Variants in FOXK1 observed in about 807,000 individuals in gnomAD.
The protein encoded by FOXK1 is forkhead box protein K1.
FOXK1 carries 19 observed loss-of-function variants against 51.9 expected under a neutral mutation model. The ratio of observed to expected loss-of-function variants is 0.37; its 90% CI spans 0.26 to 0.54. The LOEUF is 0.54. Ranked by LOEUF, FOXK1 falls within the 20% of genes least tolerant of loss-of-function variation. The pLI, the probability that FOXK1 is intolerant of heterozygous loss-of-function variation, is 0.87. For missense variants in FOXK1, 870 were observed against 1,032.7 expected (o/e 0.84, Z 2.16); for synonymous variants, 537 against 482.6 (o/e 1.11, Z -1.48).
At position 4,755,335 on chromosome 7, in the gene FOXK1, C is replaced by G; in HGVS notation, c.1002C>G (p.His334Gln). ...TGACCCTGAGCGGGATCTACGCCCA[C>G]ATCACCAAGCATTACCCCTACTACC... ...RQLTLSGIYA[H>Q]ITKHYPYYRT... Residue 334 changes from histidine (H) to glutamine (Q), a missense_variant, in exon 4 of 9, where the codon CAC becomes CAG. Physicochemically the swap from His to Gln is conservative, Grantham distance 24 (BLOSUM62 0). Around this residue, in one of 3 missense-constraint regions of FOXK1, gnomAD observed 399 missense variants for 475.6 expected, o/e 0.84. Coordinates refer to ENST00000328914, the MANE Select transcript of FOXK1 (RefSeq NM_001037165.2). This position sits in a 1 kb window ranked among gnomAD's most constrained non-coding sequence, Gnocchi z 6.6. The G allele has an allele frequency of 6.2e-7, 1 of 1,613,852 alleles. No individual in the cohort carries two copies. Among genetic ancestry groups the G allele is most frequent in the Non-Finnish European group, 8.5e-7 (1 of 1,180,052 alleles).
chr7:4,764,151 GAC>G lies in FOXK1; in HGVS notation c.*1692_*1693del, dbSNP rs1780975605. On this transcript the variant is annotated 3_prime_UTR_variant, in exon 9 of 9. Transcript: ENST00000328914. Reference sequence around the variant, plus strand: ...AAGTGATTCCGAGGCAGTGCGGGAGGACACACGTGCTGTGCAGTGGAGTGGGG... The same window carrying G: ...AAGTGATTCCGAGGCAGTGCGGGAGGACACGTGCTGTGCAGTGGAGTGGGG... 1 of 152,896 alleles carries G rather than the reference GAC, an allele frequency of 6.5e-6. No homozygotes were observed. The highest frequency in any genetic ancestry group is 6.5e-5 in the Admixed American group (1 of 15,296). 9.5% of individuals were successfully genotyped at this position (152,896 alleles called of 1,614,324 possible).
chr7:4,684,703 A>G (rs1378772917), intron 1 of FOXK1, among the ~76,000 whole-genome samples: 2 of 152,140 alleles, frequency 1.3e-5, no homozygotes, highest in Non-Finnish European at 2.9e-5. Flanking sequence ...ACGCACCTTT[A>G]TATAACTCAG....
chr7:4,702,666 C>T (rs1256750719), intron 1 of FOXK1, among the ~76,000 whole-genome samples: 1 of 152,204 alleles, frequency 6.6e-6, no homozygotes, highest in East Asian at 1.9e-4. Flanking sequence ...GTTTAGTTCA[C>T]GCGAGTTTTC....
At chr7:4,751,493 T>C (rs1181659590) in intron 2 of FOXK1, among the ~76,000 whole-genome samples, 1 of 152,192 alleles carries the variant, frequency 6.6e-6, no homozygotes. Context: ...CCCTCAGACC[T>C]GTCTTCCCCC....
In FOXK1 at chr7:4,709,400, G is replaced by A. The variant is rs1343356331; in HGVS notation, c.560+26532G>A. Among the ~76,000 whole-genome samples the A allele has an allele frequency of 6.6e-6, 1 of 152,170 alleles. No homozygotes were observed. The highest frequency in any genetic ancestry group is 6.5e-5 in the Admixed American group (1 of 15,274). On this transcript the variant is annotated intron_variant, in intron 1 of 8. Transcript: ENST00000328914. The surrounding 1 kb of genome is among the most constrained non-coding windows in gnomAD (Gnocchi z 5.6). ...GCTTCCATTCTCAGGGTCTGGACAG[G>A]GCCAGGCTCTTCCCAAGCGCACAGT... is the stretch of plus-strand genomic sequence containing the variant.
At chr7:4,751,055 C>T (rs1270089032) in intron 2 of FOXK1, among the ~76,000 whole-genome samples, 4 of 140,368 alleles carry the variant, frequency 2.8e-5, no homozygotes, top group Admixed American at 7.2e-5. Flanking sequence ...TGCTCTGTCG[C>T]CCAGGCTGGA....
intron 1 of FOXK1, among the ~76,000 whole-genome samples, chr7:4,700,803 C>G (rs1780011564): frequency 6.6e-6 from 1 of 152,272 alleles, no homozygotes. Flanking sequence ...GGCAACAGAG[C>G]AAGACCCTGT....
chr7:4,739,023 C>T lies in FOXK1; in HGVS notation c.561-1815C>T, dbSNP rs1003041313. On this transcript the variant is annotated intron_variant, in intron 1 of 8. Transcript: ENST00000328914. Reference sequence around the variant, plus strand: ...CACCCTCTGACCTGCTCCTCAGTCCCGTCTTTCAAAAACGCTTTGACGAAG... The same window carrying T: ...CACCCTCTGACCTGCTCCTCAGTCCTGTCTTTCAAAAACGCTTTGACGAAG... Among the ~76,000 whole-genome samples, 5 of 152,178 alleles carry T rather than the reference C, an allele frequency of 3.3e-5. No homozygotes were observed. The East Asian group carries it at 7.7e-4, about 23-fold the overall frequency.
chr7:4,767,058 G>GC lies in FOXK1; in HGVS notation c.*4595dup, dbSNP rs1419813568. 6.6e-6 allele frequency: 1 copy of GC among 152,176 alleles called. No individual in the cohort carries two copies. Among genetic ancestry groups the GC allele is most frequent in the Non-Finnish European group, 1.5e-5 (1 of 68,056 alleles). 9.4% of individuals were successfully genotyped at this position (152,176 alleles called of 1,614,324 possible). On this transcript the variant is annotated 3_prime_UTR_variant, in exon 9 of 9. Transcript: ENST00000328914. The surrounding 1 kb of genome is among the most constrained non-coding windows in gnomAD (Gnocchi z 6.6). Reference sequence around the variant, plus strand: ...ATTTTCCCCTTCGCTTTCAGAGCCGGCGGGAGTGCAGGTCTGTTTTGCTTC... The same window carrying GC: ...ATTTTCCCCTTCGCTTTCAGAGCCGGCCGGGAGTGCAGGTCTGTTTTGCTTC...
At chr7:4,739,887 A>C (rs987371170) in intron 1 of FOXK1, among the ~76,000 whole-genome samples, 4 of 152,230 alleles carry the variant, frequency 2.6e-5, no homozygotes, top group Non-Finnish European at 5.9e-5. Flanking sequence ...GTGCCACAGC[A>C]GTTGCCCTGG....
chr7:4,759,553 G>A lies in FOXK1; in HGVS notation c.1654G>A (p.Ala552Thr). 2 of 1,542,812 alleles carry A rather than the reference G, an allele frequency of 1.3e-6. No homozygotes were observed. The highest frequency in any genetic ancestry group is 1.7e-6 in the Non-Finnish European group (2 of 1,149,990). ...GGGCGCGGCGGGGGGCTCCCATGATGCGGCGGGCGCAGCCGTGCTGGACCT... is the reference window on the plus strand; with the variant it reads ...GGGCGCGGCGGGGGGCTCCCATGATACGGCGGGCGCAGCCGTGCTGGACCT... ...SQGAAGGSHDAAGAAVLDLGS... is the reference protein window; with the variant it reads ...SQGAAGGSHDTAGAAVLDLGS... Residue 552 changes from alanine to threonine, a missense_variant, in exon 7 of 9, where the codon GCG becomes ACG. Physicochemically the swap from Ala to Thr is moderately conservative, Grantham distance 58. Transcript: ENST00000328914.
chr7:4,700,159 C>G (rs143423778), intron 1 of FOXK1, among the ~76,000 whole-genome samples: 8 of 152,188 alleles, frequency 5.3e-5, no homozygotes, highest in African/African-American at 1.7e-4. Context: ...TGTGGCCTGT[C>G]GTTGTTTGTG....
At chr7:4,737,440 G>A (rs1248853786) in intron 1 of FOXK1, among the ~76,000 whole-genome samples, 2 of 106,006 alleles carry the variant, frequency 1.9e-5, no homozygotes, top group Non-Finnish European at 4.4e-5. Flanking sequence ...GTGTGCATGC[G>A]TGTGTGTGCG....
rs1291722692 is a variant in FOXK1, at chr7:4,768,009, G to A, written c.*5545G>A. 2 of 150,868 alleles carry A rather than the reference G, an allele frequency of 1.3e-5. No individual in the cohort carries two copies. Among genetic ancestry groups the A allele is most frequent in the African/African-American group, 2.4e-5 (1 of 40,974 alleles). 9.3% of individuals were successfully genotyped at this position (150,868 alleles called of 1,614,324 possible). On this transcript the variant is annotated 3_prime_UTR_variant, in exon 9 of 9. Transcript: ENST00000328914. ...CTGCGTCCTTTCCTCTGTCCTCCCTGTCACCCAAACCCCGAAGTCACAGCT... is the reference window on the plus strand; with the variant it reads ...CTGCGTCCTTTCCTCTGTCCTCCCTATCACCCAAACCCCGAAGTCACAGCT...
chr7:4,689,451 C>G (rs758927504), intron 1 of FOXK1, among the ~76,000 whole-genome samples: 1 of 152,164 alleles, frequency 6.6e-6, no homozygotes, highest in Non-Finnish European at 1.5e-5. Context: ...ACTACATAAA[C>G]GTTTTAGCCC....
chr7:4,690,372 T>C (rs535668017), intron 1 of FOXK1, among the ~76,000 whole-genome samples: 1 of 152,386 alleles, frequency 6.6e-6, no homozygotes, highest in Admixed American at 6.5e-5. Flanking sequence ...GGCTTTATTC[T>C]TAGTGTTTTG....
In FOXK1 at chr7:4,734,939, G is replaced by T. The variant is rs1370878719; in HGVS notation, c.561-5899G>T. Reference sequence around the variant, plus strand: ...AAAAATCGCCTCCGGAAGCTTTCACGGGCTCTTCCTTCCCTCTCTGATTAT... The same window carrying T: ...AAAAATCGCCTCCGGAAGCTTTCACTGGCTCTTCCTTCCCTCTCTGATTAT... On this transcript the variant is annotated intron_variant, in intron 1 of 8. Transcript: ENST00000328914. This position sits in a 1 kb window ranked among gnomAD's most constrained non-coding sequence, Gnocchi z 5.2. 3.3e-5 allele frequency among the ~76,000 whole-genome samples: 5 copies of T among 152,120 alleles called. No homozygotes were observed. Among genetic ancestry groups the T allele is most frequent in the African/African-American group, 1.2e-4 (5 of 41,404 alleles).
chr7:4,742,582 A>C (rs1440198798), intron 2 of FOXK1, among the ~76,000 whole-genome samples: 1 of 151,030 alleles, frequency 6.6e-6, no homozygotes, highest in African/African-American at 2.4e-5. Context: ...ACACCCACTT[A>C]ATTTTCTTAT....
In FOXK1 at chr7:4,730,031, G is replaced by T. The variant is rs1007632130; in HGVS notation, c.561-10807G>T. ...AAAAGAAAAGGAAAAAGAAAGCCCG[G>T]CTTCGGTCAGACCGTTGTCTGCGTT... On this transcript the variant is annotated intron_variant, in intron 1 of 8. Transcript: ENST00000328914. The surrounding 1 kb of genome is among the most constrained non-coding windows in gnomAD (Gnocchi z 4.7). Among the ~76,000 whole-genome samples the T allele has an allele frequency of 2.0e-5, 3 of 152,140 alleles. No individual in the cohort carries two copies. The highest frequency in any genetic ancestry group is 2.1e-4 in the South Asian group (1 of 4,824).
Sources: gnomAD v4.1 joint callset for allele counts (sites outside exome capture counted in the v4.1 genomes callset) on GRCh38, gnomAD v4.1.1 for gene constraint, gnomAD v4.1.1 regional missense constraint, Gnocchi (gnomAD v3.1) non-coding constraint, MANE v1.5 for transcripts, NCBI Gene and HGNC (gene_info 2026-07-23, HGNC 2026-07-21) for gene names.